Variants in ASTN2 observed in about 807,000 individuals in gnomAD.
ASTN2 encodes the protein astrotactin 2, also known as astrotactin-2.
Under a neutral mutation model 139.8 loss-of-function variants are expected in ASTN2, and 54 were observed. That is an observed-to-expected ratio of 0.39 (90% confidence interval 0.31 to 0.48). The LOEUF is 0.48. Ranked by LOEUF, ASTN2 falls within the 20% of genes least tolerant of loss-of-function variation. The probability of loss-of-function intolerance (pLI) is 0.95; values close to 1 mark genes in which losing one functional copy is unlikely to be tolerated. For missense variants in ASTN2, 1,565 were observed against 1,725.1 expected (o/e 0.91, Z 1.64); for synonymous variants, 756 against 719.5 (o/e 1.05, Z -0.81).
At chr9:117,057,059 T>G (rs1427466477) in intron 5 of ASTN2, among the ~76,000 whole-genome samples, 1 of 152,224 alleles carries the variant, frequency 6.6e-6, no homozygotes, top group Non-Finnish European at 1.5e-5. Context: ...ATCAGCTCTT[T>G]TTGTTGGAAC....
intron 10 of ASTN2, among the ~76,000 whole-genome samples, chr9:116,928,867 T>C (rs60345737): frequency 0.048 from 7,302 of 152,170 alleles, 550 homozygotes; most frequent in African/African-American, 0.16. Flanking sequence ...TTTCATCCCT[T>C]CACAAGAAGT....
chr9:116,653,158 G>T (rs73530805), intron 16 of ASTN2, among the ~76,000 whole-genome samples: 2 of 151,850 alleles, frequency 1.3e-5, no homozygotes, highest in Non-Finnish European at 2.9e-5. Context: ...ATGGTGCGAC[G>T]GATGTATTTG....
At chr9:116,539,305 T>C (rs1851778636) in intron 19 of ASTN2, among the ~76,000 whole-genome samples, 1 of 152,032 alleles carries the variant, frequency 6.6e-6, no homozygotes. Context: ...TGCTATCAAA[T>C]TGTACACTTT....
chr9:116,618,640 T>C (rs1326017746), intron 18 of ASTN2, among the ~76,000 whole-genome samples, 168 bp from the exon 19 acceptor site: 2 of 152,234 alleles, frequency 1.3e-5, no homozygotes, highest in Admixed American at 6.5e-5. Context: ...TCCCCTCTCA[T>C]GGCCTCTGTT....
intron 2 of ASTN2, among the ~76,000 whole-genome samples, chr9:117,215,411 G>A (rs909353113): frequency 6.6e-6 from 1 of 150,988 alleles, no homozygotes; most frequent in Admixed American, 6.6e-5. Context: ...TTTGGTAAAT[G>A]AGTGAATGAA....
chr9:117,402,330 A>T (rs1488651123), intron 1 of ASTN2, among the ~76,000 whole-genome samples: 1 of 152,164 alleles, frequency 6.6e-6, no homozygotes, highest in East Asian at 1.9e-4. Context: ...GCCTCCAAAG[A>T]GCTGGGATTA....
chr9:116,473,969 G>T (rs748533752), intron 20 of ASTN2, among the ~76,000 whole-genome samples: 11 of 152,136 alleles, frequency 7.2e-5, no homozygotes, highest in Non-Finnish European at 1.5e-4. Flanking sequence ...TATTGTTCTG[G>T]ACACCCTATG....
At chr9:117,077,639 T>C (rs764383065) in intron 5 of ASTN2, among the ~76,000 whole-genome samples, 1 of 152,080 alleles carries the variant, frequency 6.6e-6, no homozygotes, top group Non-Finnish European at 1.5e-5. Flanking sequence ...TTCCAGCTAC[T>C]TGGGAGGCTG....
chr9:116,866,714 A>G (rs1340961238), intron 10 of ASTN2, among the ~76,000 whole-genome samples: 1 of 152,002 alleles, frequency 6.6e-6, no homozygotes, highest in African/African-American at 2.4e-5. Context: ...CCTGGCTAAC[A>G]TGGTGAAACC....
At position 116,699,946 on chromosome 9, in the gene ASTN2, T is replaced by TGAA; in HGVS notation, c.2806+25822_2806+25824dup. 2 of 607,700 alleles carry TGAA rather than the reference T, an allele frequency of 3.3e-6. No homozygotes were observed. Among genetic ancestry groups the TGAA allele is most frequent in the Non-Finnish European group, 5.9e-6 (2 of 341,800 alleles). 37.6% of individuals were successfully genotyped at this position (607,700 alleles called of 1,614,324 possible). On this transcript the variant is annotated intron_variant, in intron 16 of 22. Transcript: ENST00000313400. This position sits in a 1 kb window ranked among gnomAD's most constrained non-coding sequence, Gnocchi z 4.2. ...AAATAGGACACACGATGGTGTTAGC[T>TGAA]GAAGTTTGATTAGCAATTAGGCACT...
intron 2 of ASTN2, among the ~76,000 whole-genome samples, chr9:117,232,888 ATT>A (rs10593705): frequency 0.1 from 14,954 of 147,712 alleles, 1,194 homozygotes; most frequent in African/African-American, 0.21. Flanking sequence ...CTAGGTACAG[ATT>A]TTTTTTTTTT....
At chr9:117,250,726 G>A (rs1319285510) in intron 2 of ASTN2, among the ~76,000 whole-genome samples, 1 of 152,108 alleles carries the variant, frequency 6.6e-6, no homozygotes, top group East Asian at 1.9e-4. Flanking sequence ...TAAAGTCCAA[G>A]GTCTCATGAG....
In ASTN2 at chr9:116,424,685, C is replaced by A. The variant is rs1260232143; in HGVS notation, c.*1166G>T. Among the ~76,000 whole-genome samples the A allele has an allele frequency of 2.0e-5, 3 of 151,040 alleles. No individual in the cohort carries two copies. The highest frequency in any genetic ancestry group is 6.6e-5 in the Admixed American group (1 of 15,126). On this transcript the variant is annotated 3_prime_UTR_variant, in exon 23 of 23. Transcript: ENST00000313400. ...CTCTGCCTCCCAGGTTCAAGCAATT[C>A]TCATGCCTCAGCCTCCCAAGTAGCT... is the stretch of plus-strand genomic sequence containing the variant.
At chr9:116,996,582 G>T (rs571776391) in intron 7 of ASTN2, among the ~76,000 whole-genome samples, 1 of 152,018 alleles carries the variant, frequency 6.6e-6, no homozygotes, top group Non-Finnish European at 1.5e-5. Context: ...ACCAACTAAA[G>T]AATACAGTTT....
At chr9:116,752,214 T>C (rs1169878476) in intron 13 of ASTN2, among the ~76,000 whole-genome samples, 1 of 152,160 alleles carries the variant, frequency 6.6e-6, no homozygotes, top group Admixed American at 6.5e-5. Context: ...TCAACTGATC[T>C]TTAACGCAGA....
chr9:117,389,133 A>C (rs1453845321), intron 1 of ASTN2, among the ~76,000 whole-genome samples: 2 of 152,212 alleles, frequency 1.3e-5, no homozygotes, highest in African/African-American at 2.4e-5. Context: ...CTGGGTCTAC[A>C]TCACTCTTCC....
At chr9:116,975,424 C>T in intron 9 of ASTN2, 79 bp from the exon 10 acceptor site, 1 of 1,382,056 alleles carries the variant, frequency 7.2e-7, no homozygotes, top group South Asian at 1.8e-5. Flanking sequence ...TGTTCCCATC[C>T]CTTCTAGGGC....
At chr9:117,156,701 AC>A (rs1441115422) in intron 3 of ASTN2, among the ~76,000 whole-genome samples, 5 of 152,178 alleles carry the variant, frequency 3.3e-5, no homozygotes, top group Non-Finnish European at 2.9e-5. Context: ...AAAAATGAAA[AC>A]AAAAAACCCA....
intron 16 of ASTN2, among the ~76,000 whole-genome samples, chr9:116,722,224 C>T (rs986857070): frequency 6.6e-6 from 1 of 151,740 alleles, no homozygotes; most frequent in East Asian, 1.9e-4. Flanking sequence ...CCTATATCTT[C>T]TTTATTTGGT....
Sources: gnomAD v4.1 joint callset for allele counts (sites outside exome capture counted in the v4.1 genomes callset) on GRCh38, gnomAD v4.1.1 for gene constraint, Gnocchi (gnomAD v3.1) non-coding constraint, MANE v1.5 for transcripts, NCBI Gene and HGNC (gene_info 2026-07-23, HGNC 2026-07-21) for gene names.